Variants in THADA observed in about 807,000 individuals in gnomAD.
THADA encodes the protein tRNA (32-2'-O)-methyltransferase regulator THADA.
A neutral mutation model predicts 219.8 loss-of-function variants in THADA; 213 were observed. That is an observed-to-expected ratio of 0.97 (90% confidence interval 0.87 to 1.09). THADA has a LOEUF of 1.09. Among genes scored for constraint, THADA ranks in the 50% least tolerant of loss-of-function variants. THADA has a pLI of 0.00. For missense variants in THADA, 2,956 were observed against 2,311.3 expected, an observed-to-expected ratio of 1.28 and a Z score of -5.72; for synonymous variants, 1,018 against 828.9, an observed-to-expected ratio of 1.23 and a Z score of -3.92.
rs184989114 is a variant in THADA at position 43,371,356 on chromosome 2, A to G, written c.4227+26615T>C. ...AATGTATAGCTTGATGAGTTTTTACATATGTCTAATGACATATTATAACAT... is the reference window on the plus strand; with the variant it reads ...AATGTATAGCTTGATGAGTTTTTACGTATGTCTAATGACATATTATAACAT... On this transcript the variant is annotated intron_variant, in intron 29 of 37. Transcript: ENST00000405975. Among the ~76,000 whole-genome samples, 21 of 152,334 alleles carry G rather than the reference A, an allele frequency of 1.4e-4. No individual in the cohort carries two copies. The East Asian group carries it at 3.5e-3, about 25-fold the overall frequency.
intron 26 of THADA, among the ~76,000 whole-genome samples, chr2:43,461,640 G>C (rs1369775630): frequency 6.6e-6 from 1 of 152,094 alleles, no homozygotes; most frequent in Non-Finnish European, 1.5e-5. Flanking sequence ...ATACTGGAGG[G>C]GACTCAGCTA....
chr2:43,411,675 CT>C (rs1676322677), intron 28 of THADA, among the ~76,000 whole-genome samples: 2 of 152,256 alleles, frequency 1.3e-5, no homozygotes, highest in Admixed American at 1.3e-4. Context: ...ATGGAGACTG[CT>C]GTGCAAAGTT....
intron 18 of THADA, 98 bp downstream of exon 18, chr2:43,552,106 A>G (rs1696820159): frequency 6.5e-7 from 1 of 1,530,384 alleles, no homozygotes; most frequent in African/African-American, 1.4e-5. Context: ...ATTCAAAGCA[A>G]TAGACTGCAT....
Position 43,572,944 on chromosome 2 carries a change from GC to G in THADA, c.1777del (p.Ala593LeufsTer5), listed in dbSNP as rs1397565574. On this transcript the variant is annotated frameshift_variant, in exon 12 of 38. Coordinates refer to ENST00000405975, the MANE Select transcript of THADA (RefSeq NM_022065.5). LOFTEE classifies it high-confidence loss of function. ...PSLGSCNSRGALGALMACLRI... is the reference protein window; with the variant it reads ...PSLGSCNSRGXLGALMACLRI... Reference sequence around the variant, plus strand: ...CAGACATGCCATCAAAGCTCCCAGAGCCCCCCTGCTATTACAAGACCCTAAG... The same window carrying G: ...CAGACATGCCATCAAAGCTCCCAGAGCCCCCTGCTATTACAAGACCCTAAG... 1 of 1,613,832 alleles carries G rather than the reference GC, an allele frequency of 6.2e-7. No homozygotes were observed. Among genetic ancestry groups the G allele is most frequent in the Non-Finnish European group, 8.5e-7 (1 of 1,179,844 alleles).
At chr2:43,489,128 T>C (rs188691709) in intron 25 of THADA, among the ~76,000 whole-genome samples, 3 of 152,322 alleles carry the variant, frequency 2.0e-5, no homozygotes, top group Admixed American at 2.0e-4. Flanking sequence ...CTTGATTGTG[T>C]CCTTTGAAAA....
chr2:43,252,168 C>G (rs946763715), intron 36 of THADA, among the ~76,000 whole-genome samples: 1 of 152,186 alleles, frequency 6.6e-6, no homozygotes, highest in Non-Finnish European at 1.5e-5. Flanking sequence ...ACTTCCACAT[C>G]CATAAAGATG....
At chr2:43,492,481 T>A (rs530333916) in intron 25 of THADA, among the ~76,000 whole-genome samples, 1 of 152,308 alleles carries the variant, frequency 6.6e-6, no homozygotes, top group South Asian at 2.1e-4. Flanking sequence ...AAAGTATGAA[T>A]GGACAGCCTA....
At chr2:43,321,949 T>G (rs898045223) in intron 30 of THADA, among the ~76,000 whole-genome samples, 4 of 152,192 alleles carry the variant, frequency 2.6e-5, no homozygotes, top group Non-Finnish European at 5.9e-5. Flanking sequence ...TAAACTAAGT[T>G]TTACAATTTC....
chr2:43,568,962 A>G (rs1322117185), intron 14 of THADA, among the ~76,000 whole-genome samples: 1 of 152,096 alleles, frequency 6.6e-6, no homozygotes, highest in Non-Finnish European at 1.5e-5. Context: ...AGTCACTTTT[A>G]AAATTTTTAT....
intron 36 of THADA, among the ~76,000 whole-genome samples, chr2:43,258,309 G>T (rs1670552225): frequency 6.6e-6 from 1 of 152,158 alleles, no homozygotes; most frequent in Admixed American, 6.5e-5. Context: ...GATCACCTGA[G>T]GTTGGGAGTT....
chr2:43,391,575 G>T (rs532851111), intron 29 of THADA, among the ~76,000 whole-genome samples: 32 of 152,260 alleles, frequency 2.1e-4, no homozygotes, highest in African/African-American at 7.7e-4. Flanking sequence ...CAAAAGGTAA[G>T]ATTTAACAAG....
At chr2:43,464,979 A>G (rs750704864) in intron 26 of THADA, among the ~76,000 whole-genome samples, 5 of 152,128 alleles carry the variant, frequency 3.3e-5, no homozygotes, top group African/African-American at 4.8e-5. Flanking sequence ...GCCGGCAAAG[A>G]CCCAGAATTG....
chr2:43,427,892 C>T (rs1230351456), intron 28 of THADA, among the ~76,000 whole-genome samples: 1 of 149,450 alleles, frequency 6.7e-6, no homozygotes, highest in African/African-American at 2.4e-5. Flanking sequence ...GGAGGGGGAG[C>T]TTGCAGTGAG....
intron 28 of THADA, among the ~76,000 whole-genome samples, chr2:43,416,460 G>A (rs1044669655): frequency 1.5e-4 from 23 of 152,200 alleles, no homozygotes; most frequent in African/African-American, 5.6e-4. Context: ...TCCGGACACT[G>A]TAGAAACTGA....
chr2:43,364,495 C>T (rs909167587), intron 29 of THADA, among the ~76,000 whole-genome samples: 3 of 152,168 alleles, frequency 2.0e-5, no homozygotes, highest in Admixed American at 6.5e-5. Context: ...CAGCACACCA[C>T]CAGTAGTGAC....
Position 43,582,075 on chromosome 2 carries a change from A to G in THADA, c.534-147T>C, listed in dbSNP as rs1273382946. 6 of 620,416 alleles carry G rather than the reference A, an allele frequency of 9.7e-6. No individual in the cohort carries two copies. In the Admixed American group the frequency reaches 1.8e-4, roughly 19 times the overall value. The allele number at this position is 620,416 out of a possible 1,614,324, so 38.4% of individuals were successfully genotyped here. Reference sequence around the variant, plus strand: ...TTATTCCTCTCTCTTCCATTCCTATAAACATTCCAATTATGTAGACATTAA... The same window carrying G: ...TTATTCCTCTCTCTTCCATTCCTATGAACATTCCAATTATGTAGACATTAA... On this transcript the variant is annotated intron_variant, in intron 7 of 37. Transcript: ENST00000405975.
intron 26 of THADA, among the ~76,000 whole-genome samples, chr2:43,467,416 A>T (rs1463476880): frequency 1.3e-5 from 2 of 152,184 alleles, no homozygotes; most frequent in African/African-American, 2.4e-5. Context: ...CACTACCAGG[A>T]ATACAGGACA....
intron 31 of THADA, among the ~76,000 whole-genome samples, chr2:43,318,542 C>T (rs767679629): frequency 4.6e-5 from 7 of 152,024 alleles, no homozygotes. Context: ...TCATTTTGGA[C>T]CAACCACATC....
chr2:43,433,223 G>A (rs1471505744), intron 26 of THADA, among the ~76,000 whole-genome samples: 16 of 151,612 alleles, frequency 1.1e-4, no homozygotes, highest in Non-Finnish European at 1.5e-5. Context: ...AAAAAAAAAT[G>A]ATATGCCTTA....
Sources: allele counts gnomAD v4.1 joint callset (sites outside exome capture counted in the v4.1 genomes callset), GRCh38; gene constraint gnomAD v4.1.1; transcripts MANE v1.5; gene names NCBI Gene and HGNC (gene_info 2026-07-23, HGNC 2026-07-21).